The following DDX1 variants were observed in gnomAD, a reference collection of about 807,000 sequenced individuals.
DDX1 encodes the protein DEAD-box helicase 1.
DDX1 carries 28 observed loss-of-function variants against 108.7 expected under a neutral mutation model. The ratio of observed to expected loss-of-function variants is 0.26; its 90% CI spans 0.19 to 0.35. The LOEUF (loss-of-function observed/expected upper bound fraction) is 0.35. Ranked by LOEUF, DDX1 falls within the 10% of genes least tolerant of loss-of-function variation. The pLI is 1.00. For synonymous variants in DDX1, 295 were observed against 288.9 expected (o/e 1.02, Z -0.21); for missense variants, 710 against 884.5 (o/e 0.80, Z 2.50).
At chr2:15,619,524 G>A (rs934757101) in intron 16 of DDX1, among the ~76,000 whole-genome samples, 6 of 152,362 alleles carry the variant, frequency 3.9e-5, no homozygotes, top group African/African-American at 1.4e-4. Context: ...GATGGCAGCA[G>A]CTGCTCCTGA....
intron 13 of DDX1, among the ~76,000 whole-genome samples, chr2:15,607,593 G>T (rs892241131): frequency 4.6e-5 from 7 of 151,604 alleles, no homozygotes; most frequent in East Asian, 1.9e-4. Context: ...CTAATTTTTG[G>T]TTTTTTTTCT....
chr2:15,598,679 A>G (rs1001051288), intron 5 of DDX1, among the ~76,000 whole-genome samples: 2 of 152,216 alleles, frequency 1.3e-5, no homozygotes, highest in South Asian at 2.1e-4. Context: ...TATTTCTACA[A>G]TGTTCAAAGT....
At chr2:15,628,198 CTT>C (rs1240072727) in intron 20 of DDX1, among the ~76,000 whole-genome samples, 18 of 152,192 alleles carry the variant, frequency 1.2e-4, no homozygotes, top group Middle Eastern at 3.4e-3. Context: ...AGTTTAATAT[CTT>C]TGAGTAGAAA....
intron 8 of DDX1, 121 bp from the exon 9 acceptor site, chr2:15,603,693 G>A: frequency 1.4e-6 from 1 of 689,684 alleles, no homozygotes; most frequent in South Asian, 2.0e-5. Flanking sequence ...AGAAACTTAG[G>A]GAATAGTTTT....
intron 6 of DDX1, among the ~76,000 whole-genome samples, chr2:15,602,061 A>T (rs1028068978): frequency 1.3e-5 from 2 of 152,196 alleles, no homozygotes; most frequent in Non-Finnish European, 2.9e-5. Context: ...CAAGCTAGAG[A>T]CAGTTCTGTT....
chr2:15,611,746 C>A (rs1444712987), intron 13 of DDX1, among the ~76,000 whole-genome samples: 1 of 111,374 alleles, frequency 9.0e-6, no homozygotes, highest in African/African-American at 4.2e-5. Flanking sequence ...GGGCTGACCC[C>A]CCCACCTCCC....
intron 13 of DDX1, among the ~76,000 whole-genome samples, chr2:15,612,455 C>G (rs913538954): frequency 6.7e-6 from 1 of 150,098 alleles, no homozygotes; most frequent in Admixed American, 6.6e-5. Flanking sequence ...GGATGGTGGC[C>G]GGGAAGAGGT....
At chr2:15,616,560 A>G (rs1286399820) in intron 14 of DDX1, among the ~76,000 whole-genome samples, 1 of 152,190 alleles carries the variant, frequency 6.6e-6, no homozygotes, top group African/African-American at 2.4e-5. Context: ...AGTTTTATTT[A>G]GTATTCTAAA....
Position 15,628,485 on chromosome 2 carries a change from C to G in DDX1, c.1727C>G (p.Ala576Gly). The G allele has an allele frequency of 6.2e-7, 1 of 1,613,390 alleles. No individual in the cohort carries two copies. Among genetic ancestry groups the G allele is most frequent in the Non-Finnish European group, 8.5e-7 (1 of 1,179,482 alleles). Residue 576 changes from alanine (A) to glycine (G), a missense_variant, in exon 21 of 26, where the codon GCT becomes GGT. Ala to Gly is a moderately conservative substitution (Grantham distance 60, BLOSUM62 0). Around this residue, in one of 3 missense-constraint regions of DDX1, gnomAD observed 661 missense variants for 810.2 expected, o/e 0.82. Transcript: ENST00000233084. ...TTCTTGATTTGCACAGATGTAGCTG[C>G]TAGAGGAATTGATATCCACGGTGTT... Reference protein sequence around the residue: ...VRFLICTDVAARGIDIHGVPY... With the variant: ...VRFLICTDVAGRGIDIHGVPY...
intron 16 of DDX1, among the ~76,000 whole-genome samples, chr2:15,618,485 C>T (rs370320834): frequency 2.0e-5 from 3 of 152,156 alleles, no homozygotes; most frequent in Non-Finnish European, 4.4e-5. Flanking sequence ...GTGAGCCAGG[C>T]GCGGAGTGGT....
At position 15,603,272 on chromosome 2, in the gene DDX1, C is replaced by A. The variant is rs1215241235; in HGVS notation, c.472C>A (p.Leu158Ile). Residue 158 changes from leucine to isoleucine, a missense_variant, in exon 8 of 26, where the codon CTA becomes ATA. By Grantham distance (5) the Leu-to-Ile change is conservative (BLOSUM62 2). This residue lies in a region of DDX1 where 661 missense variants were observed against 810.2 expected (regional missense o/e 0.82). Transcript: ENST00000233084. ...GTCTACCATGCAGGCCTCTTTGGACCTAGGTAAGTGTTTCTAAAATAACTG... is the reference window on the plus strand; with the variant it reads ...GTCTACCATGCAGGCCTCTTTGGACATAGGTAAGTGTTTCTAAAATAACTG... ...GWSTMQASLDLGTDKFGFGFG... is the reference protein window; with the variant it reads ...GWSTMQASLDIGTDKFGFGFG... The A allele has an allele frequency of 1.9e-6, 3 of 1,605,360 alleles. No individual in the cohort carries two copies. The highest frequency in any genetic ancestry group is 2.6e-6 in the Non-Finnish European group (3 of 1,173,136).
intron 7 of DDX1, 128 bp downstream of exon 7, chr2:15,602,759 G>C (rs1182350728): frequency 4.5e-6 from 3 of 663,956 alleles, no homozygotes; most frequent in African/African-American, 1.8e-5. Flanking sequence ...GAGGGCCCGG[G>C]CTGGAGGGCA....
chr2:15,603,052 G>C (rs1573038758), intron 7 of DDX1, 140 bp from the exon 8 acceptor site: 2 of 615,316 alleles, frequency 3.3e-6, no homozygotes, highest in East Asian at 2.9e-5. Flanking sequence ...GATCTGGGAA[G>C]GTGTTTGATG....
chr2:15,602,750 A>C, intron 7 of DDX1, 119 bp downstream of exon 7: 1 of 727,854 alleles, frequency 1.4e-6, no homozygotes, highest in African/African-American at 1.8e-5. Context: ...CCCGGGCTGG[A>C]GGGCCCGGGC....
chr2:15,602,480 G>T (rs1015632634), intron 6 of DDX1, 68 bp from the exon 7 acceptor site: 2 of 1,095,342 alleles, frequency 1.8e-6, no homozygotes, highest in Admixed American at 1.8e-5. Context: ...TTGGTGGTAG[G>T]GGGTGGGAAT....
chr2:15,604,473 G>A lies in DDX1; in HGVS notation c.589G>A (p.Asp197Asn). ...GCATGATACCATTGGATGTTACCTG[G>A]ATATAGATAAGGGACATGTCAAGTT... ...TMHDTIGCYL[D>N]IDKGHVKFSK... Residue 197 changes from aspartate (D) to asparagine (N), a missense_variant, in exon 10 of 26, where the codon GAT (aspartate) becomes AAT (asparagine). Physicochemically the swap from Asp to Asn is conservative, Grantham distance 23 (BLOSUM62 1). Around this residue, in one of 3 missense-constraint regions of DDX1, gnomAD observed 661 missense variants for 810.2 expected, o/e 0.82. Transcript: ENST00000233084. 6.2e-7 allele frequency: 1 copy of A among 1,611,266 alleles called. No individual in the cohort carries two copies. Among genetic ancestry groups the A allele is most frequent in the Non-Finnish European group, 8.5e-7 (1 of 1,177,706 alleles).
At chr2:15,612,083 C>G (rs1382842681) in intron 13 of DDX1, among the ~76,000 whole-genome samples, 1 of 108,806 alleles carries the variant, frequency 9.2e-6, no homozygotes, top group Non-Finnish European at 1.9e-5. Context: ...GGCTGGCTGG[C>G]GGGGCCTGAC....
rs1294287037 is a variant in DDX1 at position 15,604,521 on chromosome 2, A to G, written c.625+12A>G. 23 of 1,538,376 alleles carry G rather than the reference A, an allele frequency of 1.5e-5. No homozygotes were observed. Among genetic ancestry groups the G allele is most frequent in the South Asian group, 7.8e-5 (7 of 89,254 alleles). Reference sequence around the variant, plus strand: ...GTTCTCCAAAAATGGTAAGCTCTATATGGATCTTAGTAGTGAAAAGATACA... The same window carrying G: ...GTTCTCCAAAAATGGTAAGCTCTATGTGGATCTTAGTAGTGAAAAGATACA... On this transcript the variant is annotated intron_variant, in intron 10 of 25. Transcript: ENST00000233084.
At position 15,605,142 on chromosome 2, in the gene DDX1, G is replaced by A. The variant is rs570138854; in HGVS notation, c.625+633G>A. Among the ~76,000 whole-genome samples, 8 of 152,298 alleles carry A rather than the reference G, an allele frequency of 5.3e-5. No homozygotes were observed. The East Asian group carries it at 1.5e-3, about 29-fold the overall frequency. On this transcript the variant is annotated intron_variant, in intron 10 of 25. Transcript: ENST00000233084. Reference sequence around the variant, plus strand: ...AAATGGAAAGCCATGAGGGTTTTGAGCAGAGGGGTGGCATCATCTGTCTTT... The same window carrying A: ...AAATGGAAAGCCATGAGGGTTTTGAACAGAGGGGTGGCATCATCTGTCTTT...
Sources: allele counts gnomAD v4.1 joint callset (sites outside exome capture counted in the v4.1 genomes callset), GRCh38; gene constraint gnomAD v4.1.1; regional missense constraint gnomAD v4.1.1; transcripts MANE v1.5; gene names NCBI Gene and HGNC (gene_info 2026-07-23, HGNC 2026-07-21).